The following ADGRA3 variants were observed in gnomAD, a reference collection of about 807,000 sequenced individuals.
ADGRA3 encodes G-protein coupled receptor 125.
A neutral mutation model predicts 119.8 loss-of-function variants in ADGRA3; 56 were observed. That is an observed-to-expected ratio of 0.47 (90% confidence interval 0.38 to 0.58). ADGRA3 has a LOEUF of 0.58. Among genes scored for constraint, ADGRA3 ranks in the 20% least tolerant of loss-of-function variants. The probability of loss-of-function intolerance (pLI) is 0.00; values close to 1 mark genes in which losing one functional copy is unlikely to be tolerated. For synonymous variants in ADGRA3, 607 were observed against 623.8 expected, an observed-to-expected ratio of 0.97 and a Z score of 0.40; for missense variants, 1,516 against 1,649.0, an observed-to-expected ratio of 0.92 and a Z score of 1.40.
intron 1 of ADGRA3, among the ~76,000 whole-genome samples, chr4:22,509,743 G>C (rs946426414): frequency 6.6e-6 from 1 of 151,918 alleles, no homozygotes; most frequent in Non-Finnish European, 1.5e-5. Context: ...GGGCGCGGTG[G>C]CTCACGCCTG....
intron 1 of ADGRA3, among the ~76,000 whole-genome samples, chr4:22,497,966 G>C: frequency 6.7e-6 from 1 of 150,030 alleles, no homozygotes; most frequent in East Asian, 2.0e-4. Flanking sequence ...AAAGGCCGGG[G>C]ACAGTGGCTC....
intron 4 of ADGRA3, among the ~76,000 whole-genome samples, chr4:22,449,165 G>A (rs1379714105): frequency 6.6e-6 from 1 of 151,686 alleles, no homozygotes; most frequent in Non-Finnish European, 1.5e-5. Context: ...AGCTACTCAG[G>A]AAGCTGAGAC....
intron 1 of ADGRA3, among the ~76,000 whole-genome samples, chr4:22,485,254 T>A (rs1479132170): frequency 6.9e-6 from 1 of 144,678 alleles, no homozygotes; most frequent in Admixed American, 7.1e-5. Context: ...ACAGTTTTGT[T>A]ATGTTGGCCA....
chr4:22,503,894 ATTC>A (rs1340260565), intron 1 of ADGRA3, among the ~76,000 whole-genome samples: 4 of 152,276 alleles, frequency 2.6e-5, no homozygotes, highest in East Asian at 3.9e-4. Context: ...GGGCACATTT[ATTC>A]TTCTTGTGTG....
chr4:22,442,656 A>G lies in ADGRA3; in HGVS notation c.914T>C (p.Ile305Thr). 6.2e-7 allele frequency: 1 copy of G among 1,608,602 alleles called. No individual in the cohort carries two copies. Among genetic ancestry groups the G allele is most frequent in the Non-Finnish European group, 8.5e-7 (1 of 1,177,906 alleles). Residue 305 changes from isoleucine (I) to threonine (T), a missense_variant, in exon 7 of 19, where the codon ATT becomes ACT. Ile to Thr is a moderately conservative substitution (Grantham distance 89, BLOSUM62 -1). Transcript: ENST00000334304. ...AAAAAAAAAAAAAGTTTACCTTGCA[A>G]TCAAGGAGCAGTTGTGAATCATGTT... is the stretch of plus-strand genomic sequence containing the variant. ...EKNMIHNCSL[I>T]ASALTISNIQ...
At chr4:22,392,099 T>G (rs572841797) in intron 17 of ADGRA3, among the ~76,000 whole-genome samples, 1 of 152,344 alleles carries the variant, frequency 6.6e-6, no homozygotes, top group East Asian at 1.9e-4. Flanking sequence ...TCCAGCATGA[T>G]AATCCATTTA....
Position 22,436,595 on chromosome 4 carries a change from G to A in ADGRA3, c.1132C>T (p.Arg378Trp), listed in dbSNP as rs147674998. 2.0e-4 allele frequency: 326 copies of A among 1,613,930 alleles called. No homozygotes were observed. The highest frequency in any genetic ancestry group is 3.3e-4 in the Middle Eastern group (2 of 6,072). The change falls in exon 9 of 19, where the codon CGG becomes TGG. Residue 378 changes from arginine to tryptophan, a missense_variant. Physicochemically the swap from Arg to Trp is moderately radical, Grantham distance 101. Transcript: ENST00000334304. ...TATATCCCACTGCCATGGGTGTTCC[G>A]CGTACACTGCAGATATGCAGTAATG... ...AGITAYLQCT[R>W]NTHGSGIYPG...
At chr4:22,436,087 C>G (rs189461198) in intron 9 of ADGRA3, among the ~76,000 whole-genome samples, 1 of 152,106 alleles carries the variant, frequency 6.6e-6, no homozygotes, top group African/African-American at 2.4e-5. Flanking sequence ...ATGAGTAGTT[C>G]AAGTATTCTA....
chr4:22,392,489 G>A lies in ADGRA3; in HGVS notation c.2627+56C>T. ...ACTCAGCAATTTTGTTATAATTTATGATTATGCTTCAATGAAAGCAAACAA... is the reference window on the plus strand; with the variant it reads ...ACTCAGCAATTTTGTTATAATTTATAATTATGCTTCAATGAAAGCAAACAA... On this transcript the variant is annotated intron_variant, in intron 17 of 18. Coordinates refer to ENST00000334304, the MANE Select transcript of ADGRA3 (RefSeq NM_145290.4). 8.8e-6 allele frequency: 14 copies of A among 1,584,162 alleles called. No homozygotes were observed. In the South Asian group the frequency reaches 1.2e-4, roughly 14 times the overall value.
intron 7 of ADGRA3, among the ~76,000 whole-genome samples, chr4:22,441,070 A>G (rs1253027801): frequency 1.3e-5 from 2 of 152,204 alleles, no homozygotes; most frequent in Non-Finnish European, 2.9e-5. Context: ...TATGAGAAAC[A>G]AGGGTTTTTG....
chr4:22,445,051 G>C lies in ADGRA3; in HGVS notation c.628C>G (p.Arg210Gly). Residue 210 changes from arginine to glycine, a missense_variant, in exon 6 of 19, where the codon CGG becomes GGG. By Grantham distance (125) the Arg-to-Gly change is moderately radical. Coordinates refer to ENST00000334304, the MANE Select transcript of ADGRA3 (RefSeq NM_145290.4). ...TTAGGATAAACACACCTGGTATCCC[G>C]TACCGTGATGTTCTTCTCCTTTACC... ...RWVKEKNITV[R>G]DTRCVYPKSL... 1 of 1,613,852 alleles carries C rather than the reference G, an allele frequency of 6.2e-7. No homozygotes were observed. The highest frequency in any genetic ancestry group is 8.5e-7 in the Non-Finnish European group (1 of 1,179,844).
chr4:22,389,294 T>G, intron 17 of ADGRA3, 111 bp from the exon 18 acceptor site: 1 of 732,716 alleles, frequency 1.4e-6, no homozygotes, highest in South Asian at 1.7e-5. Context: ...ATTATTATCT[T>G]TATTCCAATA....
At position 22,409,396 on chromosome 4, in the gene ADGRA3, G is replaced by A. The variant is rs372780321; in HGVS notation, c.2232+3786C>T. 7.2e-5 allele frequency among the ~76,000 whole-genome samples: 11 copies of A among 152,230 alleles called. No homozygotes were observed. The East Asian group carries it at 1.2e-3, about 16-fold the overall frequency. ...GAGATAAGAAAGAATGAGGAAACTC[G>A]TATATTGAGAGGATTTCAGAAAGGA... On this transcript the variant is annotated intron_variant, in intron 14 of 18. Coordinates refer to ENST00000334304, the MANE Select transcript of ADGRA3 (RefSeq NM_145290.4).
chr4:22,449,621 C>A (rs1716959318), intron 4 of ADGRA3, among the ~76,000 whole-genome samples: 1 of 151,982 alleles, frequency 6.6e-6, no homozygotes, highest in Non-Finnish European at 1.5e-5. Flanking sequence ...CCAAGGTGGG[C>A]AGATTGCCTG....
At chr4:22,444,569 C>G (rs1716754952) in intron 6 of ADGRA3, among the ~76,000 whole-genome samples, 1 of 152,138 alleles carries the variant, frequency 6.6e-6, no homozygotes, top group Admixed American at 6.5e-5. Flanking sequence ...CTGCCTGTAT[C>G]AGTCTTTTAA....
At chr4:22,415,243 C>A (rs1009283185) in intron 12 of ADGRA3, among the ~76,000 whole-genome samples, 1 of 152,090 alleles carries the variant, frequency 6.6e-6, no homozygotes, top group Non-Finnish European at 1.5e-5. Context: ...GTCTGTATGG[C>A]ATGTTTATTT....
chr4:22,454,217 GTTC>G (rs1468980732), intron 4 of ADGRA3, among the ~76,000 whole-genome samples: 2 of 151,934 alleles, frequency 1.3e-5, no homozygotes, highest in East Asian at 3.8e-4. Context: ...CTTATACAAA[GTTC>G]TTCTACATTT....
At position 22,397,813 on chromosome 4, in the gene ADGRA3, T is replaced by C. The variant is rs893707887; in HGVS notation, c.2481+3618A>G. Among the ~76,000 whole-genome samples the C allele has an allele frequency of 3.9e-5, 6 of 152,172 alleles. No homozygotes were observed. In the South Asian group the frequency reaches 8.3e-4, roughly 21 times the overall value. On this transcript the variant is annotated intron_variant, in intron 16 of 18. Transcript: ENST00000334304. ...GCTCTTCCTTTGCCTTCCACCATGA[T>C]TGTGAGGTCTCCCCAGCCATGTGGA...
At chr4:22,420,817 G>T in intron 12 of ADGRA3, 69 bp downstream of exon 12, 3 of 1,447,892 alleles carry the variant, frequency 2.1e-6, no homozygotes, top group Non-Finnish European at 2.9e-6. Context: ...GTTATTTTGC[G>T]AAGCAGAACA....
Sources: allele counts gnomAD v4.1 joint callset (sites outside exome capture counted in the v4.1 genomes callset), GRCh38; gene constraint gnomAD v4.1.1; transcripts MANE v1.5; gene names NCBI Gene and HGNC (gene_info 2026-07-23, HGNC 2026-07-21).